The following UBR3 variants were observed in gnomAD, a reference collection of about 807,000 sequenced individuals.
UBR3 encodes the protein ubiquitin protein ligase E3 component n-recognin 3, also known as E3 ubiquitin-protein ligase UBR3.
UBR3 carries 85 observed loss-of-function variants against 243.2 expected under a neutral mutation model. The ratio of observed to expected loss-of-function variants is 0.35; its 90% CI spans 0.29 to 0.42. The LOEUF (loss-of-function observed/expected upper bound fraction) is 0.42. UBR3 is among the 10% of genes least tolerant of loss of function. The pLI, the probability that UBR3 is intolerant of heterozygous loss-of-function variation, is 1.00. For synonymous variants in UBR3, 748 were observed against 799.8 expected (o/e 0.94, Z 1.09); for missense variants, 1,686 against 2,300.8 (o/e 0.73, Z 5.47).
At position 169,827,459 on chromosome 2, in the gene UBR3, C is replaced by G; in HGVS notation, c.-49C>G. On this transcript the variant is annotated 5_prime_UTR_variant, in exon 1 of 39. Coordinates refer to ENST00000272793, the MANE Select transcript of UBR3 (RefSeq NM_172070.4). ...TCGCAGCAGTCTATTCCCTCACTCT[C>G]CCTGGAGGAGCCGCTGGCCCTGGAC... 8.2e-7 allele frequency: 1 copy of G among 1,218,020 alleles called. No individual in the cohort carries two copies. The highest frequency in any genetic ancestry group is 1.6e-5 in the African/African-American group (1 of 63,846). The allele number at this position is 1,218,020 out of a possible 1,614,324, so 75.5% of individuals were successfully genotyped here.
At chr2:170,027,243 C>A (rs946851509) in intron 30 of UBR3, among the ~76,000 whole-genome samples, 1 of 151,176 alleles carries the variant, frequency 6.6e-6, no homozygotes. Context: ...AACTTACATA[C>A]TATAGATTTA....
chr2:170,015,728 A>T (rs1314260528), intron 30 of UBR3, among the ~76,000 whole-genome samples: 1 of 151,890 alleles, frequency 6.6e-6, no homozygotes, highest in East Asian at 1.9e-4. Context: ...ACAGATTTCT[A>T]TTATATTATT....
intron 18 of UBR3, 30 bp downstream of exon 18, chr2:169,928,898 CA>C: frequency 7.4e-7 from 1 of 1,346,018 alleles, no homozygotes; most frequent in Non-Finnish European, 9.7e-7. Flanking sequence ...TGGACTCTTT[CA>C]AATATCAGTT....
intron 29 of UBR3, 46 bp from the exon 30 acceptor site, chr2:170,015,235 A>G: frequency 6.7e-7 from 1 of 1,482,630 alleles, no homozygotes; most frequent in Non-Finnish European, 9.3e-7. Flanking sequence ...GCAGATTAAT[A>G]AAGAATCTTC....
chr2:169,947,474 G>T, intron 21 of UBR3, 68 bp from the exon 22 acceptor site: 4 of 1,245,412 alleles, frequency 3.2e-6, no homozygotes, highest in Non-Finnish European at 4.1e-6. Context: ...TGGGGGGCTT[G>T]TTACATCTCC....
At chr2:170,057,118 CTTTT>C (rs34846378) in intron 33 of UBR3, among the ~76,000 whole-genome samples, 4 of 135,806 alleles carry the variant, frequency 2.9e-5, no homozygotes, top group Non-Finnish European at 3.2e-5. Context: ...TTAGTTTTTT[CTTTT>C]TTTTTTTTTT....
At chr2:170,017,803 A>G (rs560567781) in intron 30 of UBR3, among the ~76,000 whole-genome samples, 96 of 152,322 alleles carry the variant, frequency 6.3e-4, no homozygotes, top group Non-Finnish European at 1.0e-3. Flanking sequence ...AAGTTACTCA[A>G]ATTAGCTCAC....
intron 33 of UBR3, 36 bp from the exon 34 acceptor site, chr2:170,061,043 C>A: frequency 1.5e-6 from 2 of 1,318,960 alleles, no homozygotes; most frequent in Non-Finnish European, 2.0e-6. Context: ...TTATAATTTT[C>A]AGTGACCAGT....
chr2:169,909,302 A>G (rs933820336), intron 10 of UBR3, among the ~76,000 whole-genome samples: 22 of 152,200 alleles, frequency 1.4e-4, no homozygotes, highest in African/African-American at 5.1e-4. Flanking sequence ...ATGTGATCAG[A>G]TTTACACTTA....
intron 10 of UBR3, among the ~76,000 whole-genome samples, chr2:169,909,430 T>C (rs970924167): frequency 2.0e-5 from 3 of 152,124 alleles, no homozygotes; most frequent in Admixed American, 1.3e-4. Context: ...ATCTCACTTA[T>C]ATGTAGAATC....
intron 1 of UBR3, among the ~76,000 whole-genome samples, chr2:169,841,838 G>C (rs10175797): frequency 0.18 from 27,071 of 152,218 alleles, 2,669 homozygotes; most frequent in East Asian, 0.37. Context: ...GCTCCTGTGC[G>C]GTCTGAGCTT....
intron 5 of UBR3, among the ~76,000 whole-genome samples, chr2:169,890,555 A>ATGTGTATATATATATG (rs1553504487): frequency 1.7e-4 from 12 of 71,430 alleles, no homozygotes; most frequent in Middle Eastern, 6.9e-3. Flanking sequence ...ATATATATAT[A>ATGTGTATATATATATG]TATATATATG....
chr2:169,995,610 C>G (rs1351223001), intron 26 of UBR3, among the ~76,000 whole-genome samples: 1 of 152,134 alleles, frequency 6.6e-6, no homozygotes, highest in Non-Finnish European at 1.5e-5. Context: ...TCTGTAGAAA[C>G]TTTTATTATG....
intron 24 of UBR3, among the ~76,000 whole-genome samples, chr2:169,969,011 A>C (rs1574306974): frequency 6.6e-6 from 1 of 152,130 alleles, no homozygotes; most frequent in African/African-American, 2.4e-5. Flanking sequence ...GAAATGACTT[A>C]TCAGATAATT....
intron 30 of UBR3, among the ~76,000 whole-genome samples, chr2:170,024,151 G>A (rs759333017): frequency 2.0e-5 from 3 of 151,950 alleles, no homozygotes; most frequent in South Asian, 2.1e-4. Context: ...TCAGGAGATC[G>A]AGACCATCCT....
chr2:170,042,257 C>T (rs558404216), intron 32 of UBR3, among the ~76,000 whole-genome samples: 16 of 152,068 alleles, frequency 1.1e-4, no homozygotes, highest in African/African-American at 3.4e-4. Context: ...CTTCACTTAG[C>T]ATGTTTTCAA....
chr2:169,939,084 C>G (rs1017742767), intron 19 of UBR3, among the ~76,000 whole-genome samples: 6 of 150,738 alleles, frequency 4.0e-5, no homozygotes, highest in African/African-American at 1.5e-4. Flanking sequence ...AAAAATCTTC[C>G]TTGTGTTTTT....
rs1023518445 is a variant in UBR3 at position 169,913,767 on chromosome 2, G to T, written c.1780-293G>T. On this transcript the variant is annotated intron_variant, in intron 10 of 38. Coordinates refer to ENST00000272793, the MANE Select transcript of UBR3 (RefSeq NM_172070.4). The stretch of plus-strand genomic sequence containing the variant: ...GACATTAGGGAATTTATAATAAATT[G>T]GGGGGGGTGTCTCTTGAAATGGAGT... Among the ~76,000 whole-genome samples, 87 of 122,240 alleles carry T rather than the reference G, an allele frequency of 7.1e-4. 1 individual carries two copies. The highest frequency in any genetic ancestry group is 1.4e-3 in the Non-Finnish European group (72 of 51,362). The allele number at this position is 122,240 out of a possible 152,430, so 80.2% of individuals were successfully genotyped here.
chr2:169,892,575 G>A (rs1431131850), intron 6 of UBR3, among the ~76,000 whole-genome samples: 1 of 152,126 alleles, frequency 6.6e-6, no homozygotes, highest in Non-Finnish European at 1.5e-5. Context: ...AAATAGTACT[G>A]AAATTTAAAA....
Sources: gnomAD v4.1 joint callset for allele counts (sites outside exome capture counted in the v4.1 genomes callset) on GRCh38, gnomAD v4.1.1 for gene constraint, MANE v1.5 for transcripts, NCBI Gene and HGNC (gene_info 2026-07-23, HGNC 2026-07-21) for gene names.